The following SCHIP1 variants were observed in gnomAD, a reference collection of about 807,000 sequenced individuals.
SCHIP1 encodes schwannomin interacting protein 1, also known as schwannomin-interacting protein 1.
A neutral mutation model predicts 29.7 loss-of-function variants in SCHIP1; 8 were observed. The ratio of observed to expected loss-of-function variants is 0.27; its 90% CI spans 0.16 to 0.49. The LOEUF (loss-of-function observed/expected upper bound fraction) is 0.49. Ranked by LOEUF, SCHIP1 falls within the 20% of genes least tolerant of loss-of-function variation. The pLI, the probability that SCHIP1 is intolerant of heterozygous loss-of-function variation, is 0.99. For synonymous variants in SCHIP1, 76 were observed against 94.9 expected (o/e 0.80, Z 1.16); for missense variants, 193 against 294.6 (o/e 0.66, Z 2.52).
chr3:159,669,042 T>G, the SCHIP1 span, among the ~76,000 whole-genome samples: 1 of 152,146 alleles, frequency 6.6e-6, no homozygotes, highest in African/African-American at 2.4e-5. Context: ...GAATTTTCAT[T>G]TAAGGAAGGG....
At chr3:159,683,938 A>G in the SCHIP1 span, among the ~76,000 whole-genome samples, 56 of 152,062 alleles carry the variant, frequency 3.7e-4, no homozygotes, top group Non-Finnish European at 6.0e-4. Flanking sequence ...CTCTCTCTGT[A>G]TTAATCATGG....
intron 1 of SCHIP1, among the ~76,000 whole-genome samples, chr3:159,862,056 G>C (rs1714118603): frequency 6.6e-6 from 1 of 152,198 alleles, no homozygotes; most frequent in Non-Finnish European, 1.5e-5. Flanking sequence ...AGTAGTAATG[G>C]TAAGGAGAGT....
the SCHIP1 span, among the ~76,000 whole-genome samples, chr3:159,562,288 C>T: frequency 1.3e-5 from 2 of 152,196 alleles, 1 homozygote; most frequent in Non-Finnish European, 2.9e-5. Flanking sequence ...AAACAATTAT[C>T]CTTGATGAGC....
chr3:159,369,203 C>T, the SCHIP1 span, among the ~76,000 whole-genome samples: 1 of 152,172 alleles, frequency 6.6e-6, no homozygotes, highest in East Asian at 1.9e-4. Context: ...CAGTAACAAC[C>T]TGTTAACTAT....
intron 2 of SCHIP1, among the ~76,000 whole-genome samples, chr3:159,873,144 A>G (rs1222083559): frequency 6.6e-6 from 1 of 152,216 alleles, no homozygotes; most frequent in African/African-American, 2.4e-5. Context: ...TAAGATTAAA[A>G]CCAGGTAAAC....
At chr3:159,657,461 CT>C in the SCHIP1 span, among the ~76,000 whole-genome samples, 2 of 152,232 alleles carry the variant, frequency 1.3e-5, no homozygotes, top group Non-Finnish European at 2.9e-5. Context: ...GTTAGTCACA[CT>C]CCATGTGACT....
chr3:159,506,898 C>T, the SCHIP1 span, among the ~76,000 whole-genome samples: 1 of 152,126 alleles, frequency 6.6e-6, no homozygotes, highest in Admixed American at 6.6e-5. Context: ...AGTCAGGTAG[C>T]GTGATGCCCC....
the SCHIP1 span, among the ~76,000 whole-genome samples, chr3:159,659,965 T>C: frequency 6.6e-6 from 1 of 152,134 alleles, no homozygotes; most frequent in East Asian, 1.9e-4. Flanking sequence ...TAATAGAAGT[T>C]CAAGCAACAT....
At chr3:159,577,831 T>C in the SCHIP1 span, among the ~76,000 whole-genome samples, 1 of 152,202 alleles carries the variant, frequency 6.6e-6, no homozygotes, top group Non-Finnish European at 1.5e-5. Context: ...ATCCTGGAGT[T>C]TCCCAGCAAT....
chr3:159,664,229 A>C, the SCHIP1 span, among the ~76,000 whole-genome samples: 19 of 152,176 alleles, frequency 1.2e-4, 1 homozygote, highest in Admixed American at 1.1e-3. Context: ...ACTGTGAGAG[A>C]AATGAGTCTC....
chr3:159,738,692 G>A, the SCHIP1 span, among the ~76,000 whole-genome samples: 2 of 152,198 alleles, frequency 1.3e-5, no homozygotes, highest in Non-Finnish European at 2.9e-5. Context: ...TGTTCTCATG[G>A]AACTTACATT....
the SCHIP1 span, among the ~76,000 whole-genome samples, chr3:159,638,665 A>T: frequency 6.6e-6 from 1 of 151,522 alleles, no homozygotes; most frequent in Non-Finnish European, 1.5e-5. Flanking sequence ...GCCATTTGAT[A>T]GCGTTATGTT....
At chr3:159,384,014 A>T in the SCHIP1 span, among the ~76,000 whole-genome samples, 1 of 151,460 alleles carries the variant, frequency 6.6e-6, no homozygotes, top group Non-Finnish European at 1.5e-5. Flanking sequence ...TTGGGCTGAG[A>T]CAATGGGGTT....
At chr3:159,616,132 AATACT>A in the SCHIP1 span, among the ~76,000 whole-genome samples, 8,961 of 152,202 alleles carry the variant, frequency 0.059, 889 homozygotes, top group African/African-American at 0.2. Context: ...GCTGACCTGG[AATACT>A]ATGAGTAGAG....
At chr3:159,299,687 G>T in the SCHIP1 span, among the ~76,000 whole-genome samples, 1 of 152,142 alleles carries the variant, frequency 6.6e-6, no homozygotes, top group South Asian at 2.1e-4. Flanking sequence ...GGTTGCTCTG[G>T]TGTGGAGCGA....
At chr3:159,673,202 G>A in the SCHIP1 span, among the ~76,000 whole-genome samples, 1 of 152,168 alleles carries the variant, frequency 6.6e-6, no homozygotes, top group African/African-American at 2.4e-5. Context: ...CATTGACACT[G>A]GGTCTCTGCC....
chr3:159,460,319 C>T, the SCHIP1 span, among the ~76,000 whole-genome samples: 2 of 152,074 alleles, frequency 1.3e-5, no homozygotes, highest in African/African-American at 2.4e-5. Context: ...CCATCCAAAC[C>T]GAATAAGGTG....
chr3:159,574,234 C>T, the SCHIP1 span, among the ~76,000 whole-genome samples: 22 of 152,328 alleles, frequency 1.4e-4, no homozygotes, highest in African/African-American at 5.1e-4. Context: ...CTGATTTCTC[C>T]CCATCTTTGT....
the SCHIP1 span, among the ~76,000 whole-genome samples, chr3:159,623,401 G>A: frequency 2.0e-5 from 3 of 152,100 alleles, no homozygotes; most frequent in Admixed American, 1.3e-4. Context: ...TGAGGGAGGC[G>A]GATCACCTGA....
Sources: gnomAD v4.1 joint callset for allele counts (sites outside exome capture counted in the v4.1 genomes callset) on GRCh38, gnomAD v4.1.1 for gene constraint, MANE v1.5 for transcripts, NCBI Gene and HGNC (gene_info 2026-07-23, HGNC 2026-07-21) for gene names.